The following CCDC170 variants were observed in gnomAD, a reference collection of about 807,000 sequenced individuals.
CCDC170 encodes coiled-coil domain-containing protein 170.
CCDC170 carries 69 observed loss-of-function variants against 72.6 expected under a neutral mutation model. The observed-to-expected ratio is 0.95, with a 90% CI of 0.78 to 1.16. The LOEUF is 1.16. Among genes scored for constraint, CCDC170 ranks in the 50% most tolerant of loss-of-function variants. The probability of loss-of-function intolerance (pLI) is 0.00; values close to 1 mark genes in which losing one functional copy is unlikely to be tolerated. For missense variants in CCDC170, 852 were observed against 832.5 expected, an observed-to-expected ratio of 1.02 and a Z score of -0.29; for synonymous variants, 300 against 303.9, an observed-to-expected ratio of 0.99 and a Z score of 0.13.
At chr6:151,502,003 C>T (rs1782000854) in intron 1 of CCDC170, among the ~76,000 whole-genome samples, 1 of 152,190 alleles carries the variant, frequency 6.6e-6, no homozygotes. Context: ...CAGAGAAGTT[C>T]AAAGGCATTG....
chr6:151,546,698 T>C (rs1180440252), intron 4 of CCDC170, among the ~76,000 whole-genome samples: 2 of 152,198 alleles, frequency 1.3e-5, no homozygotes, highest in South Asian at 4.1e-4. Context: ...CTAAGTCTGC[T>C]TACTCTGCTT....
At chr6:151,595,588 G>A (rs2115118001) in intron 8 of CCDC170, among the ~76,000 whole-genome samples, 1 of 152,202 alleles carries the variant, frequency 6.6e-6, no homozygotes, top group Non-Finnish European at 1.5e-5. Flanking sequence ...GGCTGAGGCA[G>A]GTGGACCTCT....
intron 5 of CCDC170, among the ~76,000 whole-genome samples, chr6:151,570,666 G>A (rs938121992): frequency 6.6e-6 from 1 of 152,156 alleles, no homozygotes; most frequent in African/African-American, 2.4e-5. Context: ...AGGATACCAA[G>A]GAACGACCGT....
intron 1 of CCDC170, among the ~76,000 whole-genome samples, chr6:151,534,542 G>C (rs528090539): frequency 1.6e-4 from 25 of 152,248 alleles, no homozygotes; most frequent in African/African-American, 5.5e-4. Context: ...TGGTGTGGTG[G>C]TCAGGGTGGA....
chr6:151,532,558 A>G (rs6939831), intron 1 of CCDC170, among the ~76,000 whole-genome samples: 136,562 of 151,582 alleles, frequency 0.9, 61,697 homozygotes, highest in East Asian at 0.99. Context: ...AGTGAGCCGA[A>G]ATTACGTCAC....
In CCDC170 at chr6:151,618,047, T is replaced by C; in HGVS notation, c.2048T>C (p.Val683Ala). 6.2e-7 allele frequency: 1 copy of C among 1,614,144 alleles called. No homozygotes were observed. The highest frequency in any genetic ancestry group is 1.3e-5 in the African/African-American group (1 of 75,034). The change falls in exon 11 of 11, where the codon GTC becomes GCC. Residue 683 changes from valine (V) to alanine (A), a missense_variant. Transcript: ENST00000239374. Reference sequence around the variant, plus strand: ...ATCATCAAGTGTCTTGAAAGATTGGTCCATTCACATCAGCATCACTTTGTT... The same window carrying C: ...ATCATCAAGTGTCTTGAAAGATTGGCCCATTCACATCAGCATCACTTTGTT... The part of the protein sequence containing the change: ...YEIIKCLERL[V>A]HSHQHHFVTC...
intron 9 of CCDC170, among the ~76,000 whole-genome samples, chr6:151,607,309 C>T (rs1776801144): frequency 6.6e-6 from 1 of 152,082 alleles, no homozygotes; most frequent in Non-Finnish European, 1.5e-5. Flanking sequence ...TGAGGACTTA[C>T]TCCTTTCATT....
intron 6 of CCDC170, among the ~76,000 whole-genome samples, chr6:151,575,489 C>A (rs948866275): frequency 1.3e-5 from 2 of 150,040 alleles, no homozygotes; most frequent in Non-Finnish European, 3.0e-5. Flanking sequence ...ACCTTAGTGG[C>A]CCCTTTAGCC....
chr6:151,520,387 A>C (rs1290661848), intron 1 of CCDC170, among the ~76,000 whole-genome samples: 4 of 152,238 alleles, frequency 2.6e-5, no homozygotes, highest in Non-Finnish European at 5.9e-5. Flanking sequence ...ATTATGACTG[A>C]GACAGTGAAA....
chr6:151,551,688 G>A (rs553106859), intron 5 of CCDC170, among the ~76,000 whole-genome samples: 162 of 152,256 alleles, frequency 1.1e-3, no homozygotes, highest in African/African-American at 3.8e-3. Context: ...CCTGAGGCCT[G>A]TCAGCTACCA....
intron 1 of CCDC170, among the ~76,000 whole-genome samples, chr6:151,524,340 C>G (rs190220476): frequency 6.6e-6 from 1 of 152,194 alleles, no homozygotes; most frequent in African/African-American, 2.4e-5. Flanking sequence ...CCTTTCTCCT[C>G]TCTCAGCTGG....
intron 5 of CCDC170, among the ~76,000 whole-genome samples, chr6:151,551,483 T>C (rs899997882): frequency 2.6e-5 from 4 of 152,208 alleles, no homozygotes; most frequent in African/African-American, 7.2e-5. Flanking sequence ...TCAGAAATGA[T>C]GGATATCACT....
intron 1 of CCDC170, among the ~76,000 whole-genome samples, chr6:151,495,545 C>T (rs1294237553): frequency 6.6e-6 from 1 of 151,888 alleles, no homozygotes; most frequent in Non-Finnish European, 1.5e-5. Context: ...TACCCAGGCT[C>T]GAGTGCAGTG....
chr6:151,589,709 A>T lies in CCDC170; in HGVS notation c.1294-3398A>T, dbSNP rs1449550286. On this transcript the variant is annotated intron_variant, in intron 7 of 10. Coordinates refer to ENST00000239374, the MANE Select transcript of CCDC170 (RefSeq NM_025059.4). ...TCTTCATTGCTGCCAGGGAGGTCTT[A>T]ATGAAAGGTATGCCTAATCTTATCT... is the stretch of plus-strand genomic sequence containing the variant. 2.0e-5 allele frequency among the ~76,000 whole-genome samples: 3 copies of T among 152,280 alleles called. No individual in the cohort carries two copies. The East Asian group carries it at 5.8e-4, about 29-fold the overall frequency.
chr6:151,610,646 T>A (rs946915587), intron 9 of CCDC170, among the ~76,000 whole-genome samples: 1 of 152,178 alleles, frequency 6.6e-6, no homozygotes, highest in Non-Finnish European at 1.5e-5. Flanking sequence ...CTCTGATGTA[T>A]TGGTATCTAC....
intron 1 of CCDC170, among the ~76,000 whole-genome samples, chr6:151,517,489 G>A (rs1461597033): frequency 6.7e-6 from 1 of 148,632 alleles, no homozygotes; most frequent in Admixed American, 6.8e-5. Flanking sequence ...GCTGCGTGCA[G>A]TGGCACAATC....
intron 1 of CCDC170, among the ~76,000 whole-genome samples, chr6:151,504,988 G>A (rs1159462511): frequency 1.1e-4 from 16 of 152,096 alleles, no homozygotes; most frequent in Admixed American, 2.6e-4. Context: ...GAATGGGGGC[G>A]TGAGAGTAAG....
chr6:151,592,946 A>C, intron 7 of CCDC170, 161 bp from the exon 8 acceptor site: 1 of 710,084 alleles, frequency 1.4e-6, no homozygotes, highest in Non-Finnish European at 2.3e-6. Context: ...AGGGTGGTTC[A>C]GGAATTTATT....
At chr6:151,596,273 ACTC>A in intron 8 of CCDC170, 59 bp from the exon 9 acceptor site, 1 of 1,482,122 alleles carries the variant, frequency 6.7e-7, no homozygotes, top group East Asian at 2.4e-5. Flanking sequence ...TATCTGGGTA[ACTC>A]ATTTATATTT....
Sources: gnomAD v4.1 joint callset for allele counts (sites outside exome capture counted in the v4.1 genomes callset) on GRCh38, gnomAD v4.1.1 for gene constraint, MANE v1.5 for transcripts, NCBI Gene and HGNC (gene_info 2026-07-23, HGNC 2026-07-21) for gene names.